Variants in PECR observed in about 807,000 individuals in gnomAD.
The protein encoded by PECR is peroxisomal trans-2-enoyl-CoA reductase, also known as 2,4-dienoyl-CoA reductase-related protein.
A neutral mutation model predicts 35.3 loss-of-function variants in PECR; 30 were observed. The observed-to-expected ratio is 0.85, with a 90% CI of 0.64 to 1.15. The LOEUF (loss-of-function observed/expected upper bound fraction) is 1.15. PECR is among the 50% of genes most tolerant of loss of function. The pLI, the probability that PECR is intolerant of heterozygous loss-of-function variation, is 0.00. For missense variants in PECR, 392 were observed against 370.8 expected (o/e 1.06, Z -0.47); for synonymous variants, 148 against 138.9 (o/e 1.07, Z -0.46).
intron 6 of PECR, among the ~76,000 whole-genome samples, chr2:216,046,046 G>A (rs1210210199): frequency 3.3e-5 from 5 of 150,652 alleles, no homozygotes; most frequent in African/African-American, 1.2e-4. Flanking sequence ...GCATGCTGGT[G>A]CATGACTGTT....
At chr2:216,056,157 A>C (rs1044416078) in intron 4 of PECR, among the ~76,000 whole-genome samples, 1 of 152,080 alleles carries the variant, frequency 6.6e-6, no homozygotes, top group African/African-American at 2.4e-5. Context: ...TCATTTTAGT[A>C]TTTCCAGATG....
intron 3 of PECR, among the ~76,000 whole-genome samples, chr2:216,063,023 A>G (rs1368307969): frequency 6.6e-6 from 1 of 152,232 alleles, no homozygotes; most frequent in Non-Finnish European, 1.5e-5. Context: ...CCCTGTTGTT[A>G]AACAACACGA....
chr2:216,046,412 G>A (rs1352948557), intron 6 of PECR, among the ~76,000 whole-genome samples: 3 of 148,624 alleles, frequency 2.0e-5, no homozygotes, highest in African/African-American at 7.4e-5. Flanking sequence ...CCGGGTTCAA[G>A]CAATTGTCCT....
In PECR at chr2:216,031,647, AAAAGAAAGAAAGAAAG is replaced by A. The variant is rs200929112; in HGVS notation, c.*440+7528_*440+7543del. On this transcript the variant is annotated intron_variant and NMD_transcript_variant, in intron 7 of 7. Transcript: ENST00000442122. Reference sequence around the variant, plus strand: ...AAGGAACAAGGAAGGAAGGAAGAAGAAAAGAAAGAAAGAAAGAAAGAAAGAAAGAAAGAAAGAAAGA... The same window carrying A: ...AAGGAACAAGGAAGGAAGGAAGAAGAAAAGAAAGAAAGAAAGAAAGAAAGA... 4.0e-3 allele frequency among the ~76,000 whole-genome samples: 392 copies of A among 98,058 alleles called. 5 individuals are homozygous for A. The highest frequency in any genetic ancestry group is 0.014 in the African/African-American group (374 of 26,950). 64.3% of individuals were successfully genotyped at this position (98,058 alleles called of 152,430 possible). A position where few individuals can be genotyped will look rare whatever the true frequency, so the allele number is the denominator to read the frequency against.
intron 4 of PECR, among the ~76,000 whole-genome samples, chr2:216,054,417 C>T (rs1391652735): frequency 1.4e-4 from 20 of 142,564 alleles, no homozygotes; most frequent in African/African-American, 5.2e-4. Context: ...CTCACTCCAA[C>T]CTCTACCTCC....
chr2:216,081,271 TC>T (rs1279253782), intron 1 of PECR, among the ~76,000 whole-genome samples: 4 of 152,214 alleles, frequency 2.6e-5, no homozygotes, highest in Non-Finnish European at 4.4e-5. Context: ...AATGAAGTCT[TC>T]CCACGTTTCC....
chr2:216,075,167 T>A (rs374108820), intron 1 of PECR, among the ~76,000 whole-genome samples: 1 of 152,024 alleles, frequency 6.6e-6, no homozygotes, highest in Non-Finnish European at 1.5e-5. Context: ...ACTTGGGAGG[T>A]TGAGGCAGGA....
intron 1 of PECR, among the ~76,000 whole-genome samples, chr2:216,077,254 C>G (rs1695724333): frequency 6.6e-6 from 1 of 151,962 alleles, no homozygotes; most frequent in African/African-American, 2.4e-5. Flanking sequence ...CGCCTGTAAT[C>G]CCAGCACTTT....
chr2:216,050,257 C>G (rs1378276949), intron 5 of PECR, among the ~76,000 whole-genome samples: 7 of 152,028 alleles, frequency 4.6e-5, no homozygotes, highest in African/African-American at 1.5e-4. Context: ...TCACAGGATA[C>G]AGCTATTTGT....
At chr2:216,078,826 G>T (rs893868609) in intron 1 of PECR, among the ~76,000 whole-genome samples, 1 of 152,074 alleles carries the variant, frequency 6.6e-6, no homozygotes, top group Admixed American at 6.5e-5. Flanking sequence ...CTTATTCCAG[G>T]GGTGTAGTTT....
chr2:216,056,950 C>A (rs930203255), intron 4 of PECR, among the ~76,000 whole-genome samples: 3 of 152,042 alleles, frequency 2.0e-5, no homozygotes, highest in African/African-American at 7.3e-5. Context: ...TGAAACACTT[C>A]TTTTCCATGT....
chr2:216,036,137 G>A (rs1009648838), downstream of PECR, among the ~76,000 whole-genome samples: 2 of 152,206 alleles, frequency 1.3e-5, no homozygotes, highest in African/African-American at 2.4e-5. Context: ...TGAAGGAGAC[G>A]AAAGAGTGAG....
At chr2:216,076,162 T>C (rs933724717) in intron 1 of PECR, among the ~76,000 whole-genome samples, 3 of 152,192 alleles carry the variant, frequency 2.0e-5, no homozygotes, top group Non-Finnish European at 2.9e-5. Context: ...TAAACCCAAA[T>C]TGAGCAAAAA....
intron 6 of PECR, among the ~76,000 whole-genome samples, chr2:216,048,107 C>T (rs191218260): frequency 0.028 from 4,181 of 151,224 alleles, 77 homozygotes; most frequent in Non-Finnish European, 0.042. Flanking sequence ...TAGAGTCTTG[C>T]TCTGTCGCCC....
chr2:216,068,569 T>C (rs1695518458), intron 1 of PECR, among the ~76,000 whole-genome samples: 1 of 152,146 alleles, frequency 6.6e-6, no homozygotes, highest in African/African-American at 2.4e-5. Flanking sequence ...AAGGAAGTCC[T>C]TCAAGTAGAA....
intron 1 of PECR, among the ~76,000 whole-genome samples, chr2:216,079,442 A>T (rs1695782670): frequency 6.7e-6 from 1 of 150,106 alleles, no homozygotes; most frequent in African/African-American, 2.5e-5. Flanking sequence ...ATCTTGGCTC[A>T]CTGAAACCTC....
chr2:216,052,727 C>A (rs1042871439), intron 4 of PECR, among the ~76,000 whole-genome samples: 10 of 152,226 alleles, frequency 6.6e-5, no homozygotes, highest in Admixed American at 2.0e-4. Flanking sequence ...CTTCTTCGAT[C>A]TATAGGTTTA....
chr2:216,050,697 T>G (rs1052209949), intron 5 of PECR: 5 of 152,296 alleles, frequency 3.3e-5, no homozygotes, highest in African/African-American at 1.2e-4. Flanking sequence ...AGTCAGGAGA[T>G]CGAGACCACG....
At chr2:216,051,095 G>A (rs114633484) in intron 5 of PECR, among the ~76,000 whole-genome samples, 7,470 of 151,244 alleles carry the variant, frequency 0.049, 234 homozygotes, top group Middle Eastern at 0.11. Context: ...AGACCACCCA[G>A]GGCAATATGG....
Sources: allele counts gnomAD v4.1 joint callset (sites outside exome capture counted in the v4.1 genomes callset), GRCh38; gene constraint gnomAD v4.1.1; transcripts MANE v1.5; gene names NCBI Gene and HGNC (gene_info 2026-07-23, HGNC 2026-07-21).